GPATCH3: variants seen among roughly 807,000 people sequenced by gnomAD.
GPATCH3 encodes G patch domain-containing protein 3.
A neutral mutation model predicts 53.2 loss-of-function variants in GPATCH3; 45 were observed. The ratio of observed to expected loss-of-function variants is 0.85; its 90% CI spans 0.67 to 1.08. The LOEUF (loss-of-function observed/expected upper bound fraction) is 1.08, where lower values mean the gene tolerates loss of function less well. GPATCH3 is among the 50% of genes least tolerant of loss of function. GPATCH3 has a pLI of 0.00. For synonymous variants in GPATCH3, 280 were observed against 270.6 expected, an observed-to-expected ratio of 1.03 and a Z score of -0.34; for missense variants, 680 against 687.2, an observed-to-expected ratio of 0.99 and a Z score of 0.12.
At chr1:26,891,415 A>C (rs1326715539) in intron 6 of GPATCH3, among the ~76,000 whole-genome samples, 189 bp from the exon 7 acceptor site, 1 of 151,848 alleles carries the variant, frequency 6.6e-6, no homozygotes, top group African/African-American at 2.4e-5. Flanking sequence ...CTCATATAAA[A>C]TTTTCATTCT....
Position 26,894,262 on chromosome 1 carries a change from G to C in GPATCH3, c.1025C>G (p.Ala342Gly), listed in dbSNP as rs111667908. The C allele has an allele frequency of 7.4e-6, 12 of 1,614,028 alleles. 1 individual carries two copies. In the African/African-American group the frequency reaches 1.3e-4, roughly 18 times the overall value. ...TCCTTCTTCCTCCTGCCAGAACTGG[G>C]CATCAGTATAAAACACCAGGCCAGA... ...GGSGLVFYTD[A>G]QFWQEEEGDF... The change falls in exon 3 of 7, where the codon GCC (alanine) becomes GGC (glycine). Residue 342 changes from alanine (A) to glycine (G), a missense_variant. By Grantham distance (60) the Ala-to-Gly change is moderately conservative. Coordinates refer to ENST00000361720, the MANE Select transcript of GPATCH3 (RefSeq NM_022078.3).
chr1:26,892,276 AC>A (rs1268651563), intron 6 of GPATCH3, 134 bp downstream of exon 6: 1 of 1,126,982 alleles, frequency 8.9e-7, no homozygotes, highest in Non-Finnish European at 1.3e-6. Flanking sequence ...GCCCAGATCC[AC>A]TTTTTCCTCT....
chr1:26,891,517 TA>T (rs1244547371), intron 6 of GPATCH3, among the ~76,000 whole-genome samples: 509 of 136,896 alleles, frequency 3.7e-3, no homozygotes, highest in African/African-American at 3.9e-3. Flanking sequence ...GCTTACTCTT[TA>T]AAAAAAAAAA....
chr1:26,891,464 ACTC>A (rs1363089220), intron 6 of GPATCH3, among the ~76,000 whole-genome samples: 2 of 150,988 alleles, frequency 1.3e-5, no homozygotes, highest in Non-Finnish European at 2.9e-5. Flanking sequence ...TCAAGTCCAA[ACTC>A]CTCCAACAAA....
At chr1:26,895,448 A>G (rs2081946600) in intron 2 of GPATCH3, among the ~76,000 whole-genome samples, 1 of 148,328 alleles carries the variant, frequency 6.7e-6, no homozygotes, top group Non-Finnish European at 1.5e-5. Flanking sequence ...GCTTGAGCCC[A>G]GGGAGTTGGA....
chr1:26,896,527 T>TAAA (rs1322710696), intron 2 of GPATCH3, among the ~76,000 whole-genome samples: 22 of 125,948 alleles, frequency 1.7e-4, no homozygotes, highest in African/African-American at 6.7e-4. Flanking sequence ...CTGTCTCTAC[T>TAAA]AAAAATAAAA....
chr1:26,896,789 G>C (rs955475634), intron 2 of GPATCH3, among the ~76,000 whole-genome samples: 4 of 152,008 alleles, frequency 2.6e-5, no homozygotes, highest in African/African-American at 9.6e-5. Context: ...TTGGGAGACT[G>C]AGGCAGGCGG....
In GPATCH3 at chr1:26,892,395, C is replaced by T; in HGVS notation, c.1361+16G>A. The stretch of plus-strand genomic sequence containing the variant: ...AAAGGCTTGGGCCCCCAGGGAAGTC[C>T]CTCAGTCACACTTACCCCAATCCAC... On this transcript the variant is annotated intron_variant, in intron 6 of 6. Transcript: ENST00000361720. 6.2e-7 allele frequency: 1 copy of T among 1,604,514 alleles called. No homozygotes were observed.
Position 26,897,337 on chromosome 1 carries a change from C to T in GPATCH3, c.840G>A (p.Val280=), listed in dbSNP as rs753457018. ...ASPCGEPEEE[V]GKEEEEESHS... ...GAGACTCTTCTTCCTCTTCCTTCCCCACTTCTTCCTCAGGCTCTCCACAGG... is the reference window on the plus strand; with the variant it reads ...GAGACTCTTCTTCCTCTTCCTTCCCTACTTCTTCCTCAGGCTCTCCACAGG... Residue 280 remains valine, a synonymous_variant, in exon 2 of 7, where the codon GTG becomes GTA. Transcript: ENST00000361720. 1.9e-6 allele frequency: 3 copies of T among 1,614,180 alleles called. No individual in the cohort carries two copies. The highest frequency in any genetic ancestry group is 2.5e-6 in the Non-Finnish European group (3 of 1,180,034).
At position 26,890,529 on chromosome 1, in the gene GPATCH3, C is replaced by A; in HGVS notation, c.*481G>T. 3.3e-6 allele frequency: 1 copy of A among 301,146 alleles called. No homozygotes were observed. The allele number at this position is 301,146 out of a possible 1,614,324, so 18.7% of individuals were successfully genotyped here. ...TTTATTCTTCCGTGACGTCGCACAC[C>A]CAAGCCACCTCCCGCGGACTCTCCG... On this transcript the variant is annotated 3_prime_UTR_variant, in exon 7 of 7. Transcript: ENST00000361720.
rs200223126 is a variant in GPATCH3 at position 26,892,677 on chromosome 1, T to C, written c.1226A>G (p.His409Arg). The change falls in exon 5 of 7, where the codon CAC becomes CGC. Residue 409 changes from histidine to arginine, a missense_variant. His to Arg is a conservative substitution (Grantham distance 29, BLOSUM62 0). Transcript: ENST00000361720. ...GGCACAGTGCTAACTCACCTTGGTG[T>C]GGCGCTCAAAGGTGCCCACCTGGCG... ...IERQVGTFER[H>R]TKGIGRKVME... 6.2e-7 allele frequency: 1 copy of C among 1,613,952 alleles called. No individual in the cohort carries two copies. The highest frequency in any genetic ancestry group is 1.3e-5 in the African/African-American group (1 of 74,946).
intron 1 of GPATCH3, among the ~76,000 whole-genome samples, chr1:26,898,608 T>A (rs1020853242): frequency 6.6e-6 from 1 of 152,052 alleles, no homozygotes; most frequent in African/African-American, 2.4e-5. Flanking sequence ...ACCTCCTGCA[T>A]GTCTTCATAC....
rs758035923 is a variant in GPATCH3, at chr1:26,900,194, G to A, written c.249C>T (p.Ala83=). ...GAGTGGAGAGAGGCCGGACATCGGT[G>A]GCCGAAGTCTGAGAGAGAAGCTGGC... ...AEGQLLSQTS[A]TDVRPLSTRD... The change falls in exon 1 of 7, where the codon GCC becomes GCT. Residue 83 remains alanine, a synonymous_variant. Transcript: ENST00000361720. 1 of 1,614,182 alleles carries A rather than the reference G, an allele frequency of 6.2e-7. No homozygotes were observed. The highest frequency in any genetic ancestry group is 2.2e-5 in the East Asian group (1 of 44,884).
At chr1:26,897,869 G>T in intron 1 of GPATCH3, 144 bp from the exon 2 acceptor site, 1 of 707,082 alleles carries the variant, frequency 1.4e-6, no homozygotes, top group Non-Finnish European at 2.3e-6. Flanking sequence ...CGACACAGTG[G>T]CTCACGCTTG....
chr1:26,892,606 A>G, intron 5 of GPATCH3, 64 bp downstream of exon 5: 1 of 1,607,060 alleles, frequency 6.2e-7, no homozygotes, highest in Non-Finnish European at 8.5e-7. Context: ...TGGGGATGGG[A>G]GAAGGAATTA....
At position 26,890,593 on chromosome 1, in the gene GPATCH3, G is replaced by GC. The variant is rs1156863921; in HGVS notation, c.*416dup. On this transcript the variant is annotated 3_prime_UTR_variant, in exon 7 of 7. Transcript: ENST00000361720. ...CCAGTGAGGGTAGAGGCGGTGGAGG[G>GC]CCCACCCAAGGCCGGCTCTTCCAAG... 2.7e-6 allele frequency: 1 copy of GC among 369,196 alleles called. No individual in the cohort carries two copies. The highest frequency in any genetic ancestry group is 7.1e-5 in the East Asian group (1 of 14,050). 22.9% of individuals were successfully genotyped at this position (369,196 alleles called of 1,614,324 possible). A position where few individuals can be genotyped will look rare whatever the true frequency, so the allele number is the denominator to read the frequency against.
intron 1 of GPATCH3, among the ~76,000 whole-genome samples, 160 bp from the exon 2 acceptor site, chr1:26,897,885 C>G (rs2081958386): frequency 6.6e-6 from 1 of 152,158 alleles, no homozygotes; most frequent in Non-Finnish European, 1.5e-5. Context: ...GCTTGTGATC[C>G]CAGCACTTTG....
At chr1:26,893,095 C>G (rs540108349) in intron 4 of GPATCH3, among the ~76,000 whole-genome samples, 2 of 152,288 alleles carry the variant, frequency 1.3e-5, no homozygotes, top group East Asian at 3.9e-4. Context: ...AAATCTAAAC[C>G]CTTACTAGAG....
chr1:26,892,687 A>T lies in GPATCH3; in HGVS notation c.1216T>A (p.Phe406Ile), dbSNP rs1321343648. ...TAACTCACCTTGGTGTGGCGCTCAAAGGTGCCCACCTGGCGTTCGATCACA... is the reference window on the plus strand; with the variant it reads ...TAACTCACCTTGGTGTGGCGCTCAATGGTGCCCACCTGGCGTTCGATCACA... ...GSVIERQVGTFERHTKGIGRK... is the reference protein window; with the variant it reads ...GSVIERQVGTIERHTKGIGRK... The change falls in exon 5 of 7, where the codon TTT (phenylalanine) becomes ATT (isoleucine). Residue 406 changes from phenylalanine to isoleucine, a missense_variant. Coordinates refer to ENST00000361720, the MANE Select transcript of GPATCH3 (RefSeq NM_022078.3). 1 of 1,614,156 alleles carries T rather than the reference A, an allele frequency of 6.2e-7. No homozygotes were observed. The highest frequency in any genetic ancestry group is 1.7e-5 in the Admixed American group (1 of 60,012).
Sources: gnomAD v4.1 joint callset for allele counts (sites outside exome capture counted in the v4.1 genomes callset) on GRCh38, gnomAD v4.1.1 for gene constraint, MANE v1.5 for transcripts, NCBI Gene and HGNC (gene_info 2026-07-23, HGNC 2026-07-21) for gene names.